The following ATF7IP variants were observed in gnomAD, a reference collection of about 807,000 sequenced individuals.
The protein encoded by ATF7IP is activating transcription factor 7-interacting protein 1.
In ATF7IP, 23 loss-of-function variants were observed where a neutral mutation model predicts 106.4. The observed-to-expected ratio is 0.22, with a 90% CI of 0.16 to 0.31. The LOEUF (loss-of-function observed/expected upper bound fraction) is 0.31. Ranked by LOEUF, ATF7IP falls within the 10% of genes least tolerant of loss-of-function variation. The pLI is 1.00. For synonymous variants in ATF7IP, 542 were observed against 539.0 expected (o/e 1.01, Z -0.08); for missense variants, 1,334 against 1,524.3 (o/e 0.88, Z 2.08).
chr12:14,378,851 T>C (rs750834873), intron 1 of ATF7IP, among the ~76,000 whole-genome samples: 75 of 152,200 alleles, frequency 4.9e-4, no homozygotes, highest in Non-Finnish European at 1.0e-3. Flanking sequence ...TTGGTACAGT[T>C]ACTAATAATC....
At chr12:14,468,033 G>A (rs1214042489) in intron 10 of ATF7IP, among the ~76,000 whole-genome samples, 2 of 151,612 alleles carry the variant, frequency 1.3e-5, no homozygotes, top group Admixed American at 6.6e-5. Flanking sequence ...TTGGGAGGCC[G>A]AGGCGGGCAG....
chr12:14,452,818 G>A (rs1437708664), intron 6 of ATF7IP, among the ~76,000 whole-genome samples: 1 of 150,918 alleles, frequency 6.6e-6, no homozygotes, highest in Non-Finnish European at 1.5e-5. Context: ...TTATATTTTT[G>A]TATGCTTCCA....
chr12:14,491,822 G>A (rs1944834760), intron 13 of ATF7IP, among the ~76,000 whole-genome samples: 1 of 152,178 alleles, frequency 6.6e-6, no homozygotes, highest in South Asian at 2.1e-4. Flanking sequence ...TGCAGTTAGA[G>A]TCACCACTTG....
intron 1 of ATF7IP, among the ~76,000 whole-genome samples, chr12:14,413,168 A>T (rs374385003): frequency 1.3e-5 from 2 of 152,218 alleles, no homozygotes; most frequent in Non-Finnish European, 2.9e-5. Context: ...ACCATTAAGT[A>T]TGATAGCTGT....
intron 2 of ATF7IP, among the ~76,000 whole-genome samples, chr12:14,432,236 C>CT (rs1241078085): frequency 2.6e-5 from 4 of 152,106 alleles, no homozygotes; most frequent in Non-Finnish European, 4.4e-5. Flanking sequence ...TGAGGATTTG[C>CT]TAAATAAAGA....
Position 14,424,816 on chromosome 12 carries a change from C to T in ATF7IP, c.901C>T (p.Pro301Ser), listed in dbSNP as rs751424657. The T allele has an allele frequency of 5.6e-6, 9 of 1,613,850 alleles. No homozygotes were observed. Among genetic ancestry groups the T allele is most frequent in the Non-Finnish European group, 7.6e-6 (9 of 1,179,970 alleles). ...PKSVPVCEPV[P>S]EIDNIEPSSN... ...GTCTGTACCAGTTTGTGAACCAGTT[C>T]CTGAAATTGACAATATAGAACCAAG... Residue 301 changes from proline to serine, a missense_variant, in exon 2 of 15, where the codon CCT (proline) becomes TCT (serine). By Grantham distance (74) the Pro-to-Ser change is moderately conservative. Around this residue, in one of 10 missense-constraint regions of ATF7IP, gnomAD observed 438 missense variants for 405.3 expected, o/e 1.08. Transcript: ENST00000261168.
rs1450325774 is a variant in ATF7IP at position 14,501,785 on chromosome 12, CA to C, written c.*3713del. 2.0e-5 allele frequency: 3 copies of C among 152,314 alleles called. No homozygotes were observed. In the East Asian group the frequency reaches 5.8e-4, roughly 29 times the overall value. 9.4% of individuals were successfully genotyped at this position (152,314 alleles called of 1,614,324 possible). ...GCATCTGTCTGCAGACCTCCTTAAG[CA>C]GGCTGTATCTTACAATTCCCTTACT... On this transcript the variant is annotated 3_prime_UTR_variant, in exon 15 of 15. Transcript: ENST00000261168.
At chr12:14,385,403 A>G (rs1939176566) in intron 1 of ATF7IP, 4 of 1,533,180 alleles carry the variant, frequency 2.6e-6, no homozygotes, top group East Asian at 2.4e-5. Flanking sequence ...GACCAGAGGT[A>G]AGAACCAATT....
intron 1 of ATF7IP, among the ~76,000 whole-genome samples, chr12:14,377,157 G>A (rs1425151541): frequency 1.3e-5 from 2 of 151,816 alleles, no homozygotes; most frequent in Non-Finnish European, 2.9e-5. Flanking sequence ...ACCACGCCCT[G>A]CTAATTTGTG....
intron 9 of ATF7IP, among the ~76,000 whole-genome samples, chr12:14,461,903 T>C (rs1943653073): frequency 2.6e-5 from 4 of 152,276 alleles, no homozygotes; most frequent in East Asian, 1.9e-4. Flanking sequence ...ATTTTTCTTA[T>C]TGATGTTGTA....
chr12:14,463,507 ATAAC>A (rs1943716469), intron 9 of ATF7IP, among the ~76,000 whole-genome samples: 1 of 152,224 alleles, frequency 6.6e-6, no homozygotes, highest in South Asian at 2.1e-4. Context: ...TGGTAATTAA[ATAAC>A]TAATTAATTA....
chr12:14,381,822 A>G (rs529095046), intron 1 of ATF7IP, among the ~76,000 whole-genome samples: 1 of 152,056 alleles, frequency 6.6e-6, no homozygotes, highest in African/African-American at 2.4e-5. Context: ...GTTTTCAAAT[A>G]GTATAATATA....
At chr12:14,444,403 A>G (rs1211596992) in intron 5 of ATF7IP, among the ~76,000 whole-genome samples, 2 of 152,048 alleles carry the variant, frequency 1.3e-5, no homozygotes, top group Non-Finnish European at 2.9e-5. Flanking sequence ...AGACAGAGTT[A>G]TTTCCTAAGA....
rs1373136246 is a variant in ATF7IP, at chr12:14,424,100, T to G, written c.185T>G (p.Met62Arg). 5.6e-6 allele frequency: 9 copies of G among 1,614,084 alleles called. 1 individual carries two copies. In the South Asian group the frequency reaches 9.9e-5, roughly 18 times the overall value. ...DLDPTSPLEN[M>R]DYIKDKEEVN... ...GACCCAACCTCACCTTTGGAAAACA[T>G]GGATTACATTAAAGACAAGGAAGAG... Residue 62 changes from methionine to arginine, a missense_variant, in exon 2 of 15, where the codon ATG becomes AGG. This residue lies in a region of ATF7IP where 74 missense variants were observed against 101.9 expected (regional missense o/e 0.73). Coordinates refer to ENST00000261168, the MANE Select transcript of ATF7IP (RefSeq NM_018179.5).
chr12:14,415,241 A>C (rs1022613313), intron 1 of ATF7IP, among the ~76,000 whole-genome samples: 2 of 152,204 alleles, frequency 1.3e-5, no homozygotes, highest in African/African-American at 2.4e-5. Context: ...CTAAAATGGC[A>C]TTTGTTGGAT....
intron 12 of ATF7IP, among the ~76,000 whole-genome samples, chr12:14,479,885 G>A (rs1445869879): frequency 6.6e-6 from 1 of 151,342 alleles, no homozygotes; most frequent in Non-Finnish European, 1.5e-5. Context: ...TGTATTATCT[G>A]TCTTTCTTTA....
chr12:14,472,348 C>T (rs1240457672), intron 10 of ATF7IP, among the ~76,000 whole-genome samples: 2 of 152,126 alleles, frequency 1.3e-5, no homozygotes, highest in Non-Finnish European at 2.9e-5. Context: ...ATAAATTAGT[C>T]ACACATTTCT....
At position 14,424,227 on chromosome 12, in the gene ATF7IP, T is replaced by C; in HGVS notation, c.312T>C (p.Asp104=). The change falls in exon 2 of 15, where the codon GAT becomes GAC. Residue 104 remains aspartate (D), a synonymous_variant. Transcript: ENST00000261168. The part of the protein sequence containing the change: ...ILSVNVKNKQ[D]DDLNCEPLSP... ...GTGTTAATGTAAAAAACAAGCAGGATGATGATTTAAATTGTGAACCTTTGT... is the reference window on the plus strand; with the variant it reads ...GTGTTAATGTAAAAAACAAGCAGGACGATGATTTAAATTGTGAACCTTTGT... 1 of 1,614,204 alleles carries C rather than the reference T, an allele frequency of 6.2e-7. No homozygotes were observed. The highest frequency in any genetic ancestry group is 8.5e-7 in the Non-Finnish European group (1 of 1,180,038).
At chr12:14,436,706 T>A (rs1942415135) in intron 4 of ATF7IP, among the ~76,000 whole-genome samples, 1 of 151,692 alleles carries the variant, frequency 6.6e-6, no homozygotes, top group Admixed American at 6.6e-5. Context: ...AAATAATAAA[T>A]AAATAAATAA....
Sources: allele counts gnomAD v4.1 joint callset (sites outside exome capture counted in the v4.1 genomes callset), GRCh38; gene constraint gnomAD v4.1.1; regional missense constraint gnomAD v4.1.1; transcripts MANE v1.5; gene names NCBI Gene and HGNC (gene_info 2026-07-23, HGNC 2026-07-21).